SPECC1: variants seen among roughly 807,000 people sequenced by gnomAD.
The protein encoded by SPECC1 is cytospin-B.
Under a neutral mutation model 104.1 loss-of-function variants are expected in SPECC1, and 62 were observed. The observed-to-expected ratio is 0.60, with a 90% CI of 0.49 to 0.74. SPECC1 has a LOEUF of 0.74. Ranked by LOEUF, SPECC1 falls within the 30% of genes least tolerant of loss-of-function variation. The pLI is 0.00. For missense variants in SPECC1, 1,306 were observed against 1,310.5 expected, an observed-to-expected ratio of 1.00 and a Z score of 0.05; for synonymous variants, 513 against 501.6, an observed-to-expected ratio of 1.02 and a Z score of -0.30.
intron 3 of SPECC1, among the ~76,000 whole-genome samples, chr17:20,153,606 T>C (rs2032207160): frequency 6.6e-6 from 1 of 152,222 alleles, no homozygotes; most frequent in African/African-American, 2.4e-5. Context: ...CTTGACTAGA[T>C]ATTTTAAATG....
chr17:20,299,114 A>G (rs563516711), intron 13 of SPECC1, among the ~76,000 whole-genome samples: 31 of 152,084 alleles, frequency 2.0e-4, no homozygotes, highest in African/African-American at 7.5e-4. Context: ...AGCTGATACT[A>G]CAGTCCCAAT....
At chr17:20,250,095 A>G (rs187615253) in intron 9 of SPECC1, among the ~76,000 whole-genome samples, 2 of 152,338 alleles carry the variant, frequency 1.3e-5, no homozygotes, top group Non-Finnish European at 1.5e-5. Context: ...CAAAACTGAC[A>G]TCTTTCTTCT....
chr17:20,097,601 G>A (rs1014149497), intron 2 of SPECC1, among the ~76,000 whole-genome samples: 2 of 152,164 alleles, frequency 1.3e-5, no homozygotes, highest in South Asian at 2.1e-4. Flanking sequence ...AAGGAGTGAC[G>A]GGATTGTTTT....
Position 20,223,736 on chromosome 17 carries a change from C to T in SPECC1, c.1864-3677C>T, listed in dbSNP as rs540658325. Among the ~76,000 whole-genome samples the T allele has an allele frequency of 4.6e-5, 7 of 152,058 alleles. No homozygotes were observed. The South Asian group carries it at 6.2e-4, about 14-fold the overall frequency. On this transcript the variant is annotated intron_variant, in intron 4 of 14. Coordinates refer to ENST00000395527, the MANE Select transcript of SPECC1 (RefSeq NM_001243439.2). ...ATATCGAAAGGATTCTAAATTCTTT[C>T]GCTGTGTTATCTTGAATTTCATTGA...
intron 3 of SPECC1, among the ~76,000 whole-genome samples, chr17:20,181,617 A>G (rs2034893306): frequency 6.6e-6 from 1 of 152,174 alleles, no homozygotes; most frequent in Non-Finnish European, 1.5e-5. Flanking sequence ...AGGCAAAAAC[A>G]TTTTTTGTTT....
At chr17:20,167,919 CTG>C (rs1478281510) in intron 3 of SPECC1, among the ~76,000 whole-genome samples, 1 of 152,076 alleles carries the variant, frequency 6.6e-6, no homozygotes, top group Non-Finnish European at 1.5e-5. Flanking sequence ...TAATCTATGT[CTG>C]TTGCTTAGGA....
intron 13 of SPECC1, among the ~76,000 whole-genome samples, chr17:20,298,948 A>AGAGAGAGAGAGAGAGGGTGTGTGT: frequency 2.0e-5 from 1 of 49,072 alleles, no homozygotes; most frequent in Non-Finnish European, 3.7e-5. Flanking sequence ...AGAGAGAGAG[A>AGAGAGAGAGAGAGAGGGTGTGTGT]GTGTGTGTGT....
chr17:20,236,986 A>G (rs2038953688), intron 7 of SPECC1: 2 of 1,574,438 alleles, frequency 1.3e-6, no homozygotes, highest in Non-Finnish European at 1.7e-6. Context: ...TTGCCTCTTT[A>G]TAAAGAGCCC....
At chr17:20,251,243 C>CAAAAAAAAAAAAAAAAAAAAAAAAAAAA (rs2039623910) in intron 9 of SPECC1, among the ~76,000 whole-genome samples, 3 of 44,918 alleles carry the variant, frequency 6.7e-5, no homozygotes, top group East Asian at 1.1e-3. Flanking sequence ...AAAAAAAAAG[C>CAAAAAAAAAAAAAAAAAAAAAAAAAAAA]ATATGGTCAT....
At chr17:20,291,257 A>C (rs1224092488) in intron 12 of SPECC1, among the ~76,000 whole-genome samples, 2 of 152,130 alleles carry the variant, frequency 1.3e-5, no homozygotes, top group Admixed American at 1.3e-4. Context: ...GCCCTCTCCC[A>C]CCCTCAGCCT....
intron 3 of SPECC1, among the ~76,000 whole-genome samples, chr17:20,184,209 A>G (rs2035108005): frequency 6.8e-6 from 1 of 146,038 alleles, no homozygotes; most frequent in South Asian, 2.3e-4. Context: ...AAAAAGATGT[A>G]GAGGTAAGAA....
intron 2 of SPECC1, among the ~76,000 whole-genome samples, chr17:20,097,978 C>T (rs1001594109): frequency 5.3e-5 from 8 of 152,190 alleles, no homozygotes; most frequent in Non-Finnish European, 8.8e-5. Flanking sequence ...TCAACACATC[C>T]CCTGAGGGAC....
At chr17:20,046,007 C>T (rs1325298071) in intron 1 of SPECC1, among the ~76,000 whole-genome samples, 2 of 137,002 alleles carry the variant, frequency 1.5e-5, no homozygotes, top group African/African-American at 5.3e-5. Flanking sequence ...TTGGTTATAC[C>T]TTTCTAAAAA....
chr17:20,071,995 C>G (rs1274549487), intron 1 of SPECC1, among the ~76,000 whole-genome samples: 1 of 152,156 alleles, frequency 6.6e-6, no homozygotes, highest in Non-Finnish European at 1.5e-5. Context: ...TTGGAAACTG[C>G]TTTTCCCATA....
rs2039458524 is a variant in SPECC1 at position 20,247,246 on chromosome 17, A to G, written c.2525A>G (p.His842Arg). ...GGAGCTGGACAGAATATTTCTGTCC[A>G]TAAGACCCCCAGAAGTCCCCTAAGT... ...PGGAGQNISV[H>R]KTPRSPLSGI... The change falls in exon 9 of 15, where the codon CAT (histidine) becomes CGT (arginine). Residue 842 changes from histidine to arginine, a missense_variant. Around this residue, in one of 2 missense-constraint regions of SPECC1, gnomAD observed 1,177 missense variants for 1,139.9 expected, o/e 1.03. Transcript: ENST00000395527. The G allele has an allele frequency of 1.2e-6, 2 of 1,613,728 alleles. No homozygotes were observed. The highest frequency in any genetic ancestry group is 1.7e-6 in the Non-Finnish European group (2 of 1,179,842).
At chr17:20,232,723 G>A (rs1490690015) in intron 7 of SPECC1, among the ~76,000 whole-genome samples, 1 of 152,182 alleles carries the variant, frequency 6.6e-6, no homozygotes, top group Non-Finnish European at 1.5e-5. Flanking sequence ...ATGCAGGGGA[G>A]TGCACACTAA....
intron 12 of SPECC1, among the ~76,000 whole-genome samples, chr17:20,270,324 C>T (rs868036004): frequency 2.0e-5 from 3 of 148,708 alleles, no homozygotes; most frequent in Non-Finnish European, 1.5e-5. Flanking sequence ...TGAACAGACA[C>T]GATAGCTCAT....
rs1324022829 is a variant in SPECC1, at chr17:20,316,703, G to T, written c.*2638G>T. On this transcript the variant is annotated 3_prime_UTR_variant, in exon 15 of 15. Transcript: ENST00000395527. Reference sequence around the variant, plus strand: ...GTGTTTTTTTTGTTGTTGTTTGTTTGTTTTTTTTTTTGAGACAGAGTCTTG... The same window carrying T: ...GTGTTTTTTTTGTTGTTGTTTGTTTTTTTTTTTTTTTGAGACAGAGTCTTG... 1.3e-4 allele frequency: 24 copies of T among 180,130 alleles called. No homozygotes were observed. Among genetic ancestry groups the T allele is most frequent in the Admixed American group, 3.2e-4 (5 of 15,718 alleles). The allele number at this position is 180,130 out of a possible 1,614,324, so 11.2% of individuals were successfully genotyped here.
chr17:20,039,112 C>G (rs1250084572), intron 1 of SPECC1, among the ~76,000 whole-genome samples: 1 of 152,232 alleles, frequency 6.6e-6, no homozygotes, highest in Non-Finnish European at 1.5e-5. Flanking sequence ...CCTCCCCATG[C>G]AGCTCTTCCA....
Sources: allele counts gnomAD v4.1 joint callset (sites outside exome capture counted in the v4.1 genomes callset), GRCh38; gene constraint gnomAD v4.1.1; regional missense constraint gnomAD v4.1.1; transcripts MANE v1.5; gene names NCBI Gene and HGNC (gene_info 2026-07-23, HGNC 2026-07-21).